The following FEZ1 variants were observed in gnomAD, a reference collection of about 807,000 sequenced individuals.
The protein encoded by FEZ1 is fasciculation and elongation protein zeta-1.
A neutral mutation model predicts 49.3 loss-of-function variants in FEZ1; 20 were observed. That is an observed-to-expected ratio of 0.41 (90% CI 0.29 to 0.59). The LOEUF is 0.59. Among genes scored for constraint, FEZ1 ranks in the 20% least tolerant of loss-of-function variants. The pLI is 0.36. For missense variants in FEZ1, 413 were observed against 476.0 expected (o/e 0.87, Z 1.23); for synonymous variants, 170 against 180.9 (o/e 0.94, Z 0.48).
At chr11:125,468,282 A>G (rs1344182968) in intron 3 of FEZ1, among the ~76,000 whole-genome samples, 1 of 152,064 alleles carries the variant, frequency 6.6e-6, no homozygotes, top group Admixed American at 6.6e-5. Flanking sequence ...GGATCAGGCA[A>G]TTCTTCCACC....
At chr11:125,448,781 C>A (rs1222672838) in intron 8 of FEZ1, among the ~76,000 whole-genome samples, 1 of 152,126 alleles carries the variant, frequency 6.6e-6, no homozygotes. Context: ...ATGTTCACTA[C>A]CTGGGTGACA....
At chr11:125,465,919 C>T (rs1251895283) in intron 3 of FEZ1, among the ~76,000 whole-genome samples, 1 of 152,138 alleles carries the variant, frequency 6.6e-6, no homozygotes, top group African/African-American at 2.4e-5. Flanking sequence ...GCACTGTTTA[C>T]AGACTCCTTC....
intron 3 of FEZ1, among the ~76,000 whole-genome samples, chr11:125,465,903 T>C (rs929560150): frequency 2.0e-5 from 3 of 152,112 alleles, no homozygotes; most frequent in African/African-American, 7.2e-5. Context: ...CCTTGCCTCT[T>C]TACGGGCACT....
At chr11:125,454,347 C>T in intron 6 of FEZ1, 137 bp from the exon 7 acceptor site, 1 of 545,620 alleles carries the variant, frequency 1.8e-6, no homozygotes, top group Non-Finnish European at 3.2e-6. Flanking sequence ...AAGACACTGG[C>T]TTACAGAGAC....
intron 3 of FEZ1, among the ~76,000 whole-genome samples, chr11:125,471,858 A>G (rs913493508): frequency 2.6e-5 from 4 of 152,122 alleles, no homozygotes; most frequent in African/African-American, 9.6e-5. Flanking sequence ...GACGTACCAT[A>G]TGCTGGACCC....
At chr11:125,452,446 A>T (rs1956966601) in intron 7 of FEZ1, 37 bp from the exon 8 acceptor site, 1 of 1,354,204 alleles carries the variant, frequency 7.4e-7, no homozygotes. Context: ...CTTGAGACAG[A>T]AGACATGCTT....
intron 1 of FEZ1, among the ~76,000 whole-genome samples, chr11:125,493,539 A>G (rs529046273): frequency 6.6e-6 from 1 of 151,206 alleles, no homozygotes; most frequent in East Asian, 2.0e-4. Flanking sequence ...AGAAAGAAAG[A>G]AAGAAAGAAA....
At chr11:125,455,248 A>C (rs920608881) in intron 6 of FEZ1, among the ~76,000 whole-genome samples, 1 of 151,882 alleles carries the variant, frequency 6.6e-6, no homozygotes, top group Non-Finnish European at 1.5e-5. Flanking sequence ...AAAATAATCC[A>C]GGAGTGGTGG....
intron 8 of FEZ1, 147 bp downstream of exon 8, chr11:125,452,187 G>C: frequency 1.5e-6 from 1 of 656,280 alleles, no homozygotes; most frequent in South Asian, 1.8e-5. Flanking sequence ...CACTGTGCGG[G>C]AGGATGTGAC....
intron 2 of FEZ1, among the ~76,000 whole-genome samples, chr11:125,483,398 T>C (rs1957301966): frequency 6.6e-6 from 1 of 152,168 alleles, no homozygotes; most frequent in Admixed American, 6.5e-5. Flanking sequence ...GAAAACACTT[T>C]GAAGAGAACT....
intron 5 of FEZ1, among the ~76,000 whole-genome samples, chr11:125,457,429 A>T (rs12271052): frequency 0.042 from 855 of 20,434 alleles, 21 homozygotes; most frequent in African/African-American, 0.065. Context: ...AAAAAAAAAA[A>T]ATATATATAT....
rs1171301265 is a variant in FEZ1 at position 125,489,298 on chromosome 11, G to A, written c.311+169C>T. 7.6e-7 allele frequency: 1 copy of A among 1,307,752 alleles called. No homozygotes were observed. Among genetic ancestry groups the A allele is most frequent in the Non-Finnish European group, 9.7e-7 (1 of 1,029,282 alleles). 81.0% of individuals were successfully genotyped at this position (1,307,752 alleles called of 1,614,324 possible). On this transcript the variant is annotated intron_variant, in intron 2 of 9. Coordinates refer to ENST00000278919, the MANE Select transcript of FEZ1 (RefSeq NM_005103.5). This position sits in a 1 kb window ranked among gnomAD's most constrained non-coding sequence, Gnocchi z 4.2. The stretch of plus-strand genomic sequence containing the variant: ...AAAGTTCTCCTCAGGGGACTGTAAA[G>A]GGACATATATAGAGCTATGACAGCA...
At chr11:125,455,786 A>G (rs1160890160) in intron 6 of FEZ1, 49 bp downstream of exon 6, 1 of 1,601,608 alleles carries the variant, frequency 6.2e-7, no homozygotes, top group Admixed American at 1.7e-5. Flanking sequence ...TGAAACGGGC[A>G]GGGTTGGAGG....
intron 2 of FEZ1, among the ~76,000 whole-genome samples, chr11:125,483,175 T>G (rs117748164): frequency 0.018 from 2,755 of 152,056 alleles, 44 homozygotes; most frequent in Non-Finnish European, 0.028. Flanking sequence ...GAGGGCACTA[T>G]TAACTAAACA....
chr11:125,463,666 A>G, intron 3 of FEZ1, 96 bp from the exon 4 acceptor site: 1 of 751,484 alleles, frequency 1.3e-6, no homozygotes, highest in Non-Finnish European at 2.4e-6. Context: ...CTGGGAGGCC[A>G]CTCCAGCCAG....
At chr11:125,492,126 T>C (rs1957388446) in intron 1 of FEZ1, among the ~76,000 whole-genome samples, 1 of 152,230 alleles carries the variant, frequency 6.6e-6, no homozygotes, top group Admixed American at 6.5e-5. Context: ...CAGTTTTTAT[T>C]CTTTTTTTAT....
chr11:125,447,051 A>G (rs1436467214), intron 9 of FEZ1, among the ~76,000 whole-genome samples: 1 of 152,194 alleles, frequency 6.6e-6, no homozygotes, highest in African/African-American at 2.4e-5. Context: ...ATGCAGGACA[A>G]AAAACAATAA....
intron 3 of FEZ1, 34 bp from the exon 4 acceptor site, chr11:125,463,604 G>T (rs1283614504): frequency 7.5e-7 from 1 of 1,339,196 alleles, no homozygotes; most frequent in South Asian, 1.2e-5. Context: ...AATTCTGGGT[G>T]ACCATCAGCA....
At chr11:125,488,407 G>A (rs1403580902) in intron 2 of FEZ1, among the ~76,000 whole-genome samples, 2 of 152,320 alleles carry the variant, frequency 1.3e-5, no homozygotes, top group East Asian at 1.9e-4. Flanking sequence ...TGGGCCAGGT[G>A]TGGTGACTCA....
Sources: gnomAD v4.1 joint callset for allele counts (sites outside exome capture counted in the v4.1 genomes callset) on GRCh38, gnomAD v4.1.1 for gene constraint, Gnocchi (gnomAD v3.1) non-coding constraint, MANE v1.5 for transcripts, NCBI Gene and HGNC (gene_info 2026-07-23, HGNC 2026-07-21) for gene names.